Variants in PTPRD observed in about 807,000 individuals in gnomAD.
The protein encoded by PTPRD is protein tyrosine phosphatase receptor type D, also known as receptor-type tyrosine-protein phosphatase delta.
PTPRD carries 34 observed loss-of-function variants against 214.5 expected under a neutral mutation model. The ratio of observed to expected loss-of-function variants is 0.16; its 90% CI spans 0.12 to 0.21. The LOEUF is 0.21. Ranked by LOEUF, PTPRD falls within the 10% of genes least tolerant of loss-of-function variation. The probability of loss-of-function intolerance (pLI) is 1.00; values close to 1 mark genes in which losing one functional copy is unlikely to be tolerated. For missense variants in PTPRD, 2,545 were observed against 2,398.7 expected, an observed-to-expected ratio of 1.06 and a Z score of -1.27; for synonymous variants, 1,128 against 845.7, an observed-to-expected ratio of 1.33 and a Z score of -5.79.
chr9:9,843,002 T>C (rs1367633966), intron 5 of PTPRD, among the ~76,000 whole-genome samples: 2 of 152,150 alleles, frequency 1.3e-5, no homozygotes, highest in Non-Finnish European at 2.9e-5. Flanking sequence ...GTTAGCAAAC[T>C]ATGGCCCTTG....
intron 12 of PTPRD, among the ~76,000 whole-genome samples, chr9:8,696,405 C>G (rs1027283692): frequency 6.6e-6 from 1 of 152,164 alleles, no homozygotes; most frequent in African/African-American, 2.4e-5. Context: ...ACATTAAATT[C>G]TAGATGTGTG....
intron 3 of PTPRD, among the ~76,000 whole-genome samples, chr9:10,266,195 G>T (rs758118287): frequency 6.6e-6 from 1 of 151,912 alleles, no homozygotes; most frequent in African/African-American, 2.4e-5. Context: ...CTAGTTAAGT[G>T]TGCCTTAAAA....
At chr9:9,910,936 C>T (rs1457845917) in intron 5 of PTPRD, among the ~76,000 whole-genome samples, 1 of 151,782 alleles carries the variant, frequency 6.6e-6, no homozygotes, top group Non-Finnish European at 1.5e-5. Flanking sequence ...GTTCTCATTC[C>T]AGTGGGAATC....
At chr9:8,557,946 G>A (rs1454439579) in intron 14 of PTPRD, among the ~76,000 whole-genome samples, 1 of 151,414 alleles carries the variant, frequency 6.6e-6, no homozygotes, top group African/African-American at 2.4e-5. Flanking sequence ...TAATTTTTTT[G>A]TCTCCTTTAA....
intron 36 of PTPRD, among the ~76,000 whole-genome samples, chr9:8,400,144 A>G (rs7849657): frequency 0.35 from 52,770 of 152,072 alleles, 9,823 homozygotes; most frequent in Middle Eastern, 0.44. Flanking sequence ...TGTTAATTAT[A>G]ATCCTACTAA....
chr9:9,194,946 G>A (rs999958232), intron 9 of PTPRD, among the ~76,000 whole-genome samples: 1 of 151,628 alleles, frequency 6.6e-6, no homozygotes, highest in Non-Finnish European at 1.5e-5. Context: ...ACTAAGTGAA[G>A]GAGTCAAATA....
chr9:10,286,594 TTTTG>T (rs918664552), intron 3 of PTPRD, among the ~76,000 whole-genome samples: 47 of 152,282 alleles, frequency 3.1e-4, no homozygotes, highest in Admixed American at 1.8e-3. Context: ...ATAAATGTTT[TTTTG>T]TTTGTTTGCT....
chr9:8,996,429 G>A (rs560235181), intron 11 of PTPRD, among the ~76,000 whole-genome samples: 50 of 152,176 alleles, frequency 3.3e-4, no homozygotes, highest in African/African-American at 1.2e-3. Flanking sequence ...GAAAAACGTA[G>A]GGGCAGCAAA....
chr9:10,407,536 C>T (rs1160277504), intron 2 of PTPRD, among the ~76,000 whole-genome samples: 2 of 151,596 alleles, frequency 1.3e-5, no homozygotes, highest in East Asian at 2.0e-4. Context: ...TTTCGGCACA[C>T]CAAAGTTTTC....
At chr9:9,280,301 A>C (rs374857312) in intron 9 of PTPRD, among the ~76,000 whole-genome samples, 5 of 151,256 alleles carry the variant, frequency 3.3e-5, no homozygotes, top group Non-Finnish European at 7.4e-5. Flanking sequence ...CACTGAATTA[A>C]TTGTACATAT....
intron 11 of PTPRD, among the ~76,000 whole-genome samples, chr9:8,801,677 C>T (rs187047364): frequency 1.3e-5 from 2 of 152,312 alleles, no homozygotes; most frequent in East Asian, 3.9e-4. Context: ...GATGGCCTCA[C>T]TGCACTCCAG....
At chr9:8,667,500 C>T (rs1293989285) in intron 12 of PTPRD, among the ~76,000 whole-genome samples, 1 of 152,130 alleles carries the variant, frequency 6.6e-6, no homozygotes, top group East Asian at 1.9e-4. Context: ...TGAGCACTGA[C>T]ATGACACCGA....
intron 9 of PTPRD, among the ~76,000 whole-genome samples, chr9:9,216,473 A>G (rs7034934): frequency 0.21 from 32,278 of 152,048 alleles, 3,502 homozygotes; most frequent in Non-Finnish European, 0.23. Context: ...CCACCCTTCT[A>G]TATGCCCTTT....
chr9:9,073,695 G>T (rs1442255456), intron 10 of PTPRD, among the ~76,000 whole-genome samples: 1 of 152,006 alleles, frequency 6.6e-6, no homozygotes, highest in African/African-American at 2.4e-5. Flanking sequence ...ATTAATTTTG[G>T]ACTTGTCAGC....
At position 8,836,992 on chromosome 9, in the gene PTPRD, G is replaced by C. The variant is rs571597657; in HGVS notation, c.-103-103046C>G. ...CCATCCCCCCACCATTTGGGGAAGAGTCTAGATTACAGGCGTGAGCCACCA... is the reference window on the plus strand; with the variant it reads ...CCATCCCCCCACCATTTGGGGAAGACTCTAGATTACAGGCGTGAGCCACCA... On this transcript the variant is annotated intron_variant, in intron 11 of 45. Transcript: ENST00000381196. Among the ~76,000 whole-genome samples the C allele has an allele frequency of 2.0e-5, 3 of 147,772 alleles. No individual in the cohort carries two copies. The South Asian group carries it at 6.6e-4, about 33-fold the overall frequency.
intron 8 of PTPRD, among the ~76,000 whole-genome samples, chr9:9,540,515 G>A (rs1029369173): frequency 4.0e-5 from 6 of 151,720 alleles, no homozygotes; most frequent in African/African-American, 7.3e-5. Flanking sequence ...CCTAGCACAG[G>A]TTGAAACAGC....
intron 7 of PTPRD, among the ~76,000 whole-genome samples, chr9:9,650,972 AT>A (rs908221278): frequency 1.3e-5 from 2 of 152,072 alleles, no homozygotes; most frequent in African/African-American, 4.8e-5. Context: ...TTATGAGGAC[AT>A]TTATATTAAA....
intron 5 of PTPRD, among the ~76,000 whole-genome samples, chr9:9,875,493 C>T (rs1387361201): frequency 6.6e-6 from 1 of 152,036 alleles, no homozygotes; most frequent in African/African-American, 2.4e-5. Context: ...ATCTACACTG[C>T]CTTCTTATTT....
At chr9:10,506,989 G>A (rs1566600763) in intron 2 of PTPRD, among the ~76,000 whole-genome samples, 2 of 152,030 alleles carry the variant, frequency 1.3e-5, no homozygotes, top group South Asian at 4.1e-4. Flanking sequence ...GAATAGGAGT[G>A]GTGAGAGAGG....
Sources: allele counts gnomAD v4.1 joint callset (sites outside exome capture counted in the v4.1 genomes callset), GRCh38; gene constraint gnomAD v4.1.1; transcripts MANE v1.5; gene names NCBI Gene and HGNC (gene_info 2026-07-23, HGNC 2026-07-21).